Variants in TMEM67 observed in about 807,000 individuals in gnomAD.
The protein encoded by TMEM67 is meckelin.
A neutral mutation model predicts 136.6 loss-of-function variants in TMEM67; 124 were observed. That is an observed-to-expected ratio of 0.91 (90% CI 0.78 to 1.05). TMEM67 has a LOEUF of 1.05. Among genes scored for constraint, TMEM67 ranks in the 50% least tolerant of loss-of-function variants. TMEM67 has a pLI of 0.00. For synonymous variants in TMEM67, 364 were observed against 390.5 expected (o/e 0.93, Z 0.80); for missense variants, 1,107 against 1,178.4 (o/e 0.94, Z 0.89).
At chr8:93,782,622 G>A (rs1813896909) in intron 11 of TMEM67, among the ~76,000 whole-genome samples, 162 bp downstream of exon 11, 3 of 139,198 alleles carry the variant, frequency 2.2e-5, no homozygotes, top group Admixed American at 7.7e-5. Flanking sequence ...TGCCCAGGCT[G>A]GAGTGCAGTG....
At position 93,779,372 on chromosome 8, in the gene TMEM67, C is replaced by T. The variant is rs544932654; in HGVS notation, c.715-1221C>T. 3.3e-5 allele frequency among the ~76,000 whole-genome samples: 5 copies of T among 152,302 alleles called. No individual in the cohort carries two copies. In the South Asian group the frequency reaches 1.0e-3, roughly 32 times the overall value. ...CGTACTTCTGTCAGTTTGTCAAAGT[C>T]ATTCTCCATCCAGCTTTGTTCTGTT... On this transcript the variant is annotated intron_variant, in intron 7 of 27. Transcript: ENST00000453321.
chr8:93,797,209 G>A lies in TMEM67; in HGVS notation c.1936G>A (p.Gly646Arg), dbSNP rs1191152582. 1.2e-6 allele frequency: 2 copies of A among 1,613,220 alleles called. No individual in the cohort carries two copies. Among genetic ancestry groups the A allele is most frequent in the Admixed American group, 1.7e-5 (1 of 59,990 alleles). ...VFFIDWERPK[G>R]KVLKAVEGEG... ...CTTTATTGATTGGGAGCGACCTAAA[G>A]GAAAGGTTCTTAAAGCTGTTGAAGG... is the stretch of plus-strand genomic sequence containing the variant. The change falls in exon 19 of 28, where the codon GGA (glycine) becomes AGA (arginine). Residue 646 changes from glycine (G) to arginine (R), a missense_variant. Physicochemically the swap from Gly to Arg is moderately radical, Grantham distance 125 (BLOSUM62 -2). Coordinates refer to ENST00000453321, the MANE Select transcript of TMEM67 (RefSeq NM_153704.6).
chr8:93,809,354 T>G (rs1046956844), intron 25 of TMEM67, among the ~76,000 whole-genome samples, 193 bp downstream of exon 25: 1 of 152,162 alleles, frequency 6.6e-6, no homozygotes, highest in Non-Finnish European at 1.5e-5. Flanking sequence ...TTCTAGCCAT[T>G]AACAAACTAT....
intron 23 of TMEM67, among the ~76,000 whole-genome samples, chr8:93,805,967 T>C (rs1292172675): frequency 1.3e-5 from 2 of 152,152 alleles, no homozygotes; most frequent in African/African-American, 2.4e-5. Flanking sequence ...ATTTCACCAA[T>C]GAAGTATTTT....
intron 26 of TMEM67, chr8:93,811,406 G>A (rs1563483286): frequency 6.6e-6 from 1 of 152,232 alleles, no homozygotes; most frequent in East Asian, 1.9e-4. Context: ...ACTTTATAAA[G>A]TCTGATATGA....
At chr8:93,809,289 C>T (rs951667207) in intron 25 of TMEM67, 128 bp downstream of exon 25, 14 of 688,182 alleles carry the variant, frequency 2.0e-5, no homozygotes, top group Non-Finnish European at 2.6e-6. Context: ...TAAGACCTTC[C>T]CTTTTTTTGT....
intron 18 of TMEM67, 84 bp downstream of exon 18, chr8:93,796,071 T>C: frequency 1.1e-6 from 1 of 928,666 alleles, no homozygotes; most frequent in South Asian, 1.4e-5. Flanking sequence ...CTTTCAAAAA[T>C]CTTTGGCGTG....
At chr8:93,770,923 G>T (rs1813299719) in intron 6 of TMEM67, among the ~76,000 whole-genome samples, 2 of 151,844 alleles carry the variant, frequency 1.3e-5, no homozygotes, top group Admixed American at 1.3e-4. Flanking sequence ...GCTGAGGCAG[G>T]AGAATCGCTT....
intron 12 of TMEM67, 24 bp downstream of exon 12, chr8:93,785,402 CT>C: frequency 3.7e-6 from 6 of 1,605,318 alleles, no homozygotes; most frequent in African/African-American, 1.3e-5. Flanking sequence ...ACATACCACT[CT>C]TTTCCCTGAG....
chr8:93,790,936 T>C (rs1814347471), intron 14 of TMEM67, among the ~76,000 whole-genome samples: 1 of 152,238 alleles, frequency 6.6e-6, no homozygotes, highest in Non-Finnish European at 1.5e-5. Flanking sequence ...TTTACCCAAT[T>C]GCTAAATTCC....
chr8:93,798,385 T>G (rs541290455), intron 20 of TMEM67, among the ~76,000 whole-genome samples: 2 of 152,216 alleles, frequency 1.3e-5, no homozygotes, highest in Admixed American at 6.5e-5. Flanking sequence ...ATCACTATTA[T>G]AAGTTTGATA....
rs367780917 is a variant in TMEM67, at chr8:93,780,956, A to G, written c.952A>G (p.Asn318Asp). The change falls in exon 9 of 28, where the codon AAT becomes GAT. Residue 318 changes from asparagine (N) to aspartate (D), a missense_variant. Physicochemically the swap from Asn to Asp is conservative, Grantham distance 23. Transcript: ENST00000453321. ...GCTCAGTTCTACCTCTCTTCCTACA[A>G]ATTTCAGTTTTAAAGGAGAAAACCA... ...QVLSSTSLPT[N>D]FSFKGENQNT... 1.3e-4 allele frequency: 203 copies of G among 1,611,148 alleles called. No homozygotes were observed. Among genetic ancestry groups the G allele is most frequent in the Non-Finnish European group, 1.6e-4 (183 of 1,179,006 alleles).
chr8:93,815,161 A>G (rs1449565790), intron 26 of TMEM67, 144 bp from the exon 27 acceptor site: 10 of 509,760 alleles, frequency 2.0e-5, no homozygotes, highest in Non-Finnish European at 3.3e-5. Context: ...ATGTTTGTTT[A>G]TTTTTGTGTA....
At chr8:93,823,137 A>C (rs1287796060), downstream of TMEM67, among the ~76,000 whole-genome samples, 2 of 152,204 alleles carry the variant, frequency 1.3e-5, no homozygotes, top group Non-Finnish European at 2.9e-5. Flanking sequence ...AAGCAACATA[A>C]AAGTATCATC....
rs767546188 is a variant in TMEM67 at position 93,795,285 on chromosome 8, G to T, written c.1675-124G>T. ...GGTCTTTATAGCTGGATCATATGGGGATATGTGAAACAAGGCTTCAGGCTT... is the reference window on the plus strand; with the variant it reads ...GGTCTTTATAGCTGGATCATATGGGTATATGTGAAACAAGGCTTCAGGCTT... On this transcript the variant is annotated intron_variant, in intron 16 of 27. Coordinates refer to ENST00000453321, the MANE Select transcript of TMEM67 (RefSeq NM_153704.6). The T allele has an allele frequency of 1.5e-4, 124 of 825,176 alleles. No individual in the cohort carries two copies. In the Admixed American group the frequency reaches 2.3e-3, roughly 15 times the overall value. The allele number at this position is 825,176 out of a possible 1,614,324, so 51.1% of individuals were successfully genotyped here.
intron 22 of TMEM67, among the ~76,000 whole-genome samples, 161 bp downstream of exon 22, chr8:93,803,845 A>G (rs1814978198): frequency 6.6e-6 from 1 of 152,000 alleles, no homozygotes. Flanking sequence ...GCTACAAGTT[A>G]ATACTTAAAC....
At chr8:93,791,845 A>G (rs984085554) in intron 15 of TMEM67, 1 of 152,418 alleles carries the variant, frequency 6.6e-6, no homozygotes, top group South Asian at 2.1e-4. Flanking sequence ...GCTTCTTCTT[A>G]TTCTTCTTAT....
At chr8:93,825,196 C>T in the TMEM67 span, among the ~76,000 whole-genome samples, 1 of 152,240 alleles carries the variant, frequency 6.6e-6, no homozygotes, top group Non-Finnish European at 1.5e-5. Context: ...AAAACAAATT[C>T]ATGTGACACA....
Position 93,803,673 on chromosome 8 carries a change from T to G in TMEM67, c.2311T>G (p.Ser771Ala). 2 of 1,569,642 alleles carry G rather than the reference T, an allele frequency of 1.3e-6. No homozygotes were observed. The highest frequency in any genetic ancestry group is 8.8e-7 in the Non-Finnish European group (1 of 1,139,980). ...AATTCGACAGTTCGTTGATTTATGC[T>G]CTATGAGTAATGTAAGTACTTTCTG... is the stretch of plus-strand genomic sequence containing the variant. ...DKIRQFVDLC[S>A]MSNISVFLLS... Residue 771 changes from serine (S) to alanine (A), a missense_variant, in exon 22 of 28, where the codon TCT becomes GCT. By Grantham distance (99) the Ser-to-Ala change is moderately conservative. Around this residue, in one of 3 missense-constraint regions of TMEM67, gnomAD observed 925 missense variants for 1,002.4 expected, o/e 0.92. Transcript: ENST00000453321.
Sources: gnomAD v4.1 joint callset for allele counts (sites outside exome capture counted in the v4.1 genomes callset) on GRCh38, gnomAD v4.1.1 for gene constraint, gnomAD v4.1.1 regional missense constraint, MANE v1.5 for transcripts, NCBI Gene and HGNC (gene_info 2026-07-23, HGNC 2026-07-21) for gene names.